Variants in CPNE2 observed in about 807,000 individuals in gnomAD.
CPNE2 encodes copine-2.
CPNE2 carries 42 observed loss-of-function variants against 69.7 expected under a neutral mutation model. The ratio of observed to expected loss-of-function variants is 0.60; its 90% CI spans 0.47 to 0.78. The LOEUF (loss-of-function observed/expected upper bound fraction) is 0.78. Ranked by LOEUF, CPNE2 falls within the 30% of genes least tolerant of loss-of-function variation. The probability of loss-of-function intolerance (pLI) is 0.00; values close to 1 mark genes in which losing one functional copy is unlikely to be tolerated. For missense variants in CPNE2, 587 were observed against 732.0 expected (o/e 0.80, Z 2.29); for synonymous variants, 294 against 289.8 (o/e 1.01, Z -0.15).
At chr16:57,123,609 C>T (rs111954210) in intron 10 of CPNE2, 136 bp downstream of exon 10, 186 of 931,088 alleles carry the variant, frequency 2.0e-4, no homozygotes, top group African/African-American at 1.7e-3. Context: ...AGAGTGTGTG[C>T]GGCCTAGTGA....
chr16:57,116,643 C>T (rs2069721386), intron 4 of CPNE2, among the ~76,000 whole-genome samples: 1 of 152,188 alleles, frequency 6.6e-6, no homozygotes, highest in Non-Finnish European at 1.5e-5. Context: ...TGCCATCACC[C>T]CAGCATTTCT....
At chr16:57,115,349 G>C in intron 3 of CPNE2, 127 bp from the exon 4 acceptor site, 1 of 694,182 alleles carries the variant, frequency 1.4e-6, no homozygotes, top group East Asian at 2.8e-5. Flanking sequence ...ATGCTCAGGC[G>C]GGTCACCAGC....
chr16:57,120,926 A>T (rs1307491993), intron 7 of CPNE2, among the ~76,000 whole-genome samples, 167 bp from the exon 8 acceptor site: 2 of 152,114 alleles, frequency 1.3e-5, no homozygotes, highest in African/African-American at 4.8e-5. Flanking sequence ...CAATCACAGA[A>T]GTCTTCCTGC....
At position 57,147,559 on chromosome 16, in the gene CPNE2, A is replaced by G. The variant is rs115373468; in HGVS notation, c.1548A>G (p.Lys516=). 1,170 of 1,601,324 alleles carry G rather than the reference A, an allele frequency of 7.3e-4. 11 individuals are homozygous for G. The African/African-American group carries it at 0.014, about 19-fold the overall frequency. The change falls in exon 16 of 16, where the codon AAA becomes AAG. Residue 516 remains lysine, a synonymous_variant. Transcript: ENST00000290776. ...VPFREFRNAA[K]ETLAKAVLAE... is the part of the protein sequence containing the mutation. ...CCTCCTCCACCCTGCAGGCAGCAAA[A>G]GAGACCTTGGCCAAAGCTGTGCTGG...
chr16:57,111,706 A>G (rs1371783780), intron 2 of CPNE2, among the ~76,000 whole-genome samples: 2 of 152,166 alleles, frequency 1.3e-5, no homozygotes, highest in African/African-American at 2.4e-5. Context: ...AAATTATTAT[A>G]TATTTTTTTT....
intron 14 of CPNE2, among the ~76,000 whole-genome samples, chr16:57,139,624 G>T (rs796870807): frequency 1.8e-4 from 28 of 152,346 alleles, no homozygotes; most frequent in African/African-American, 6.7e-4. Context: ...GACAGTTGAA[G>T]GGTTAGAAGC....
intron 1 of CPNE2, among the ~76,000 whole-genome samples, chr16:57,103,172 G>A (rs778169095): frequency 7.2e-4 from 110 of 151,774 alleles, no homozygotes; most frequent in Admixed American, 1.1e-3. Flanking sequence ...ACCCAGATTC[G>A]AGCGCAGTGG....
rs373608582 is a variant in CPNE2 at position 57,146,150 on chromosome 16, C to T, written c.1368C>T (p.Ala456=). 5.7e-5 allele frequency: 91 copies of T among 1,591,526 alleles called. No homozygotes were observed. The Admixed American group carries it at 1.2e-3, about 21-fold the overall frequency. The change falls in exon 15 of 16, where the codon GCC becomes GCT. Residue 456 remains alanine (A), a synonymous_variant. Transcript: ENST00000290776. The surrounding 1 kb of genome is among the most constrained non-coding windows in gnomAD (Gnocchi z 4.4). ...GTGACATGGAGGAGACACGGCATGC[C>T]GTGGTGCAGGCTTCCAAGCTGCCCA... is the stretch of plus-strand genomic sequence containing the variant. ...VISDMEETRH[A]VVQASKLPMS... is the part of the protein sequence containing the mutation.
intron 3 of CPNE2, among the ~76,000 whole-genome samples, chr16:57,113,853 T>C (rs1025042202): frequency 6.6e-5 from 10 of 152,320 alleles, no homozygotes; most frequent in African/African-American, 2.4e-4. Context: ...CACTTCCCCA[T>C]CCATCTCAGT....
intron 10 of CPNE2, chr16:57,124,087 C>CTTT: frequency 1.4e-5 from 2 of 145,350 alleles, no homozygotes; most frequent in South Asian, 2.0e-4. Context: ...CTTTTCTTTT[C>CTTT]TTTTTTTTTT....
rs377013912 is a variant in CPNE2, at chr16:57,130,224, C to T, written c.1116+2321C>T. ...TGAAACCCCGTCTCTACTAAAAATACAAAAATTAGCTAGGTGTGGTGGCGG... is the reference window on the plus strand; with the variant it reads ...TGAAACCCCGTCTCTACTAAAAATATAAAAATTAGCTAGGTGTGGTGGCGG... On this transcript the variant is annotated intron_variant, in intron 12 of 15. Transcript: ENST00000290776. This position sits in a 1 kb window ranked among gnomAD's most constrained non-coding sequence, Gnocchi z 4.1. 6.6e-6 allele frequency among the ~76,000 whole-genome samples: 1 copy of T among 151,908 alleles called. No homozygotes were observed. Among genetic ancestry groups the T allele is most frequent in the African/African-American group, 2.4e-5 (1 of 41,352 alleles).
At chr16:57,125,281 G>A (rs1326088329) in intron 10 of CPNE2, 7 of 455,960 alleles carry the variant, frequency 1.5e-5, no homozygotes, top group African/African-American at 1.4e-4. Flanking sequence ...TCCCAGCCCT[G>A]GGCCAGGCTT....
chr16:57,105,351 C>T (rs566792509), intron 1 of CPNE2, among the ~76,000 whole-genome samples: 1 of 152,198 alleles, frequency 6.6e-6, no homozygotes, highest in Admixed American at 6.5e-5. Context: ...CACCAATGTC[C>T]AAGCCTGTCC....
chr16:57,145,631 C>T (rs1026439103), intron 14 of CPNE2: 2 of 210,256 alleles, frequency 9.5e-6, no homozygotes, highest in African/African-American at 2.4e-5. Context: ...AGTCCCCCTG[C>T]GCCAGCCGTG....
chr16:57,144,953 A>G (rs1446109035), intron 14 of CPNE2: 1 of 152,062 alleles, frequency 6.6e-6, no homozygotes, highest in Non-Finnish European at 1.5e-5. Flanking sequence ...AAAAGAAAAA[A>G]GAGTTCTTGG....
chr16:57,133,053 A>G (rs1378280707), intron 12 of CPNE2, among the ~76,000 whole-genome samples: 1 of 152,114 alleles, frequency 6.6e-6, no homozygotes, highest in Non-Finnish European at 1.5e-5. Context: ...TTTCAGGAAG[A>G]CTTTGGCCCA....
At chr16:57,137,090 A>G in intron 13 of CPNE2, 59 bp from the exon 14 acceptor site, 2 of 1,593,070 alleles carry the variant, frequency 1.3e-6, no homozygotes, top group South Asian at 1.1e-5. Context: ...CAGCAGTGAG[A>G]TGAGAGTGGG....
chr16:57,102,607 T>C (rs1168427632), intron 1 of CPNE2, among the ~76,000 whole-genome samples: 5 of 146,686 alleles, frequency 3.4e-5, no homozygotes, highest in African/African-American at 7.4e-5. Context: ...TTATTTCTCT[T>C]TTTTTTTTTT....
chr16:57,125,436 G>A, intron 10 of CPNE2: 1 of 445,884 alleles, frequency 2.2e-6, no homozygotes, highest in South Asian at 1.6e-5. Context: ...ATCTGGGAAG[G>A]TTGCAGTGGA....
Sources: gnomAD v4.1 joint callset for allele counts (sites outside exome capture counted in the v4.1 genomes callset) on GRCh38, gnomAD v4.1.1 for gene constraint, Gnocchi (gnomAD v3.1) non-coding constraint, MANE v1.5 for transcripts, NCBI Gene and HGNC (gene_info 2026-07-23, HGNC 2026-07-21) for gene names.